The following LSAMP variants were observed in gnomAD, a reference collection of about 807,000 sequenced individuals.
LSAMP encodes limbic system associated membrane protein.
Under a neutral mutation model 38.6 loss-of-function variants are expected in LSAMP, and 7 were observed. That is an observed-to-expected ratio of 0.18 (90% CI 0.10 to 0.34). The LOEUF is 0.34. Among genes scored for constraint, LSAMP ranks in the 10% least tolerant of loss-of-function variants. The pLI, the probability that LSAMP is intolerant of heterozygous loss-of-function variation, is 1.00. For missense variants in LSAMP, 313 were observed against 420.0 expected, an observed-to-expected ratio of 0.75 and a Z score of 2.23; for synonymous variants, 154 against 166.8, an observed-to-expected ratio of 0.92 and a Z score of 0.59.
At chr3:115,871,763 GA>G (rs1553743250) in intron 3 of LSAMP, among the ~76,000 whole-genome samples, 1 of 151,998 alleles carries the variant, frequency 6.6e-6, no homozygotes, top group Non-Finnish European at 1.5e-5. Flanking sequence ...AAGACTCTAG[GA>G]AGAACTAAAC....
chr3:116,040,883 C>T (rs1048229174), intron 2 of LSAMP, among the ~76,000 whole-genome samples: 1 of 152,118 alleles, frequency 6.6e-6, no homozygotes, highest in Non-Finnish European at 1.5e-5. Flanking sequence ...AGATACATGC[C>T]GCCATGCCTG....
chr3:116,065,165 T>C (rs1707392745), intron 2 of LSAMP, among the ~76,000 whole-genome samples: 1 of 152,198 alleles, frequency 6.6e-6, no homozygotes, highest in African/African-American at 2.4e-5. Flanking sequence ...TTTGGATTTG[T>C]GACTGAGCTA....
chr3:115,865,674 A>C (rs1935838182), intron 3 of LSAMP, among the ~76,000 whole-genome samples: 1 of 152,220 alleles, frequency 6.6e-6, no homozygotes, highest in African/African-American at 2.4e-5. Flanking sequence ...TTACTGAATC[A>C]GAATTTCCTG....
chr3:116,201,234 T>A (rs932815235), intron 1 of LSAMP, among the ~76,000 whole-genome samples: 2 of 152,142 alleles, frequency 1.3e-5, no homozygotes, highest in African/African-American at 4.8e-5. Flanking sequence ...TTAATTGCCA[T>A]TCCTAGCAGA....
intron 1 of LSAMP, among the ~76,000 whole-genome samples, chr3:116,193,619 T>C (rs1409233926): frequency 6.6e-6 from 1 of 152,218 alleles, no homozygotes; most frequent in Non-Finnish European, 1.5e-5. Context: ...AGACAATGAC[T>C]GATCTCGTTT....
At chr3:116,337,974 GA>G (rs1220627713) in intron 1 of LSAMP, among the ~76,000 whole-genome samples, 3 of 152,036 alleles carry the variant, frequency 2.0e-5, no homozygotes, top group African/African-American at 7.2e-5. Context: ...GGTCCAGTCT[GA>G]AAACACCCAA....
chr3:116,117,038 A>G (rs943925871), intron 1 of LSAMP, among the ~76,000 whole-genome samples: 2 of 152,258 alleles, frequency 1.3e-5, no homozygotes, highest in African/African-American at 2.4e-5. Flanking sequence ...ATCTTGAGAT[A>G]TAACAAAATG....
intron 1 of LSAMP, among the ~76,000 whole-genome samples, chr3:116,290,657 G>A (rs1472182357): frequency 6.6e-6 from 1 of 151,562 alleles, no homozygotes; most frequent in Non-Finnish European, 1.5e-5. Flanking sequence ...TTGAACCTGC[G>A]AGGCGGAGGT....
At chr3:115,947,070 G>T (rs1938123158) in intron 3 of LSAMP, among the ~76,000 whole-genome samples, 1 of 151,956 alleles carries the variant, frequency 6.6e-6, no homozygotes, top group Non-Finnish European at 1.5e-5. Context: ...CTCTACAGAT[G>T]CAAAATAAGG....
chr3:116,091,139 C>T (rs1055991729), intron 1 of LSAMP, among the ~76,000 whole-genome samples: 1 of 152,200 alleles, frequency 6.6e-6, no homozygotes, highest in Admixed American at 6.5e-5. Flanking sequence ...CATTCTCTTT[C>T]TCAGGGACGT....
At chr3:116,411,458 G>C (rs2048976132) in intron 1 of LSAMP, among the ~76,000 whole-genome samples, 1 of 151,754 alleles carries the variant, frequency 6.6e-6, no homozygotes, top group Non-Finnish European at 1.5e-5. Flanking sequence ...AAAAAATGAT[G>C]AGTTCATGTC....
At chr3:116,342,458 T>C (rs541418450) in intron 1 of LSAMP, among the ~76,000 whole-genome samples, 100 of 152,204 alleles carry the variant, frequency 6.6e-4, no homozygotes, top group African/African-American at 2.2e-3. Flanking sequence ...TAGATAACAG[T>C]TTAATACATT....
intron 1 of LSAMP, among the ~76,000 whole-genome samples, chr3:116,159,864 G>T (rs960987194): frequency 1.3e-5 from 2 of 152,098 alleles, no homozygotes; most frequent in Admixed American, 6.6e-5. Flanking sequence ...AGAAAATGTG[G>T]TATGTATACA....
intron 1 of LSAMP, among the ~76,000 whole-genome samples, chr3:116,252,883 A>G (rs564214111): frequency 7.2e-5 from 11 of 152,238 alleles, no homozygotes; most frequent in African/African-American, 1.2e-4. Context: ...GGGGCACACT[A>G]TACTTAACTG....
rs529748029 is a variant in LSAMP, at chr3:116,263,880, C to T, written c.156-177324G>A. Among the ~76,000 whole-genome samples, 9 of 152,152 alleles carry T rather than the reference C, an allele frequency of 5.9e-5. No individual in the cohort carries two copies. The Middle Eastern group carries it at 0.01, about 173-fold the overall frequency. ...AGGCCAAGAGTTTTGCTAAAAGTCT[C>T]GGGGAGTCATCTATGGCTTCTTTAC... On this transcript the variant is annotated intron_variant, in intron 1 of 6. Coordinates refer to ENST00000490035, the MANE Select transcript of LSAMP (RefSeq NM_002338.5).
intron 6 of LSAMP, among the ~76,000 whole-genome samples, chr3:115,827,266 T>C (rs1934448768): frequency 6.6e-6 from 1 of 151,808 alleles, no homozygotes; most frequent in Non-Finnish European, 1.5e-5. Context: ...TGCTTGCTGC[T>C]GTGTGAGCTA....
intron 3 of LSAMP, among the ~76,000 whole-genome samples, chr3:115,990,970 A>C (rs1375087017): frequency 1.3e-5 from 2 of 152,212 alleles, no homozygotes; most frequent in East Asian, 3.9e-4. Flanking sequence ...ATATTGTGCA[A>C]GGCCAATTAC....
intron 1 of LSAMP, among the ~76,000 whole-genome samples, chr3:116,283,350 C>T (rs1360396719): frequency 6.6e-6 from 1 of 152,016 alleles, no homozygotes; most frequent in African/African-American, 2.4e-5. Context: ...GACAAGTATA[C>T]AGTTGTTGAG....
intron 3 of LSAMP, among the ~76,000 whole-genome samples, chr3:115,893,003 CA>C (rs1936639282): frequency 6.6e-6 from 1 of 151,666 alleles, no homozygotes; most frequent in African/African-American, 2.4e-5. Context: ...AATTTCTTAT[CA>C]ACTTTATACA....
Sources: gnomAD v4.1 joint callset for allele counts (sites outside exome capture counted in the v4.1 genomes callset) on GRCh38, gnomAD v4.1.1 for gene constraint, MANE v1.5 for transcripts, NCBI Gene and HGNC (gene_info 2026-07-23, HGNC 2026-07-21) for gene names.